Variants in CACNA2D4 observed in about 807,000 individuals in gnomAD.
CACNA2D4 encodes voltage-dependent calcium channel subunit alpha-2/delta-4.
Under a neutral mutation model 163.8 loss-of-function variants are expected in CACNA2D4, and 157 were observed. That is an observed-to-expected ratio of 0.96 (90% CI 0.84 to 1.09). The LOEUF (loss-of-function observed/expected upper bound fraction) is 1.09, where lower values mean the gene tolerates loss of function less well. Ranked by LOEUF, CACNA2D4 falls within the 50% of genes least tolerant of loss-of-function variation. The probability of loss-of-function intolerance (pLI) is 0.00; values close to 1 mark genes in which losing one functional copy is unlikely to be tolerated. For synonymous variants in CACNA2D4, 598 were observed against 586.9 expected (o/e 1.02, Z -0.27); for missense variants, 1,410 against 1,479.9 (o/e 0.95, Z 0.78).
At chr12:1,864,984 G>A (rs1481431411) in intron 18 of CACNA2D4, among the ~76,000 whole-genome samples, 2 of 152,118 alleles carry the variant, frequency 1.3e-5, no homozygotes, top group African/African-American at 4.8e-5. Context: ...CCGCTCCCGG[G>A]TCTCCAGGTG....
Position 1,878,398 on chromosome 12 carries a change from G to A in CACNA2D4, c.1645-9C>T, listed in dbSNP as rs760341817. ...TATCCGTGCACTCCAAGCTGCCAGAGTCCAGGGTGGAGGCGCATTAGGCCT... is the reference window on the plus strand; with the variant it reads ...TATCCGTGCACTCCAAGCTGCCAGAATCCAGGGTGGAGGCGCATTAGGCCT... On this transcript the variant is annotated splice_polypyrimidine_tract_variant and intron_variant, in intron 15 of 37. Transcript: ENST00000382722. This position sits in a 1 kb window ranked among gnomAD's most constrained non-coding sequence, Gnocchi z 4.6. The A allele has an allele frequency of 1.3e-6, 2 of 1,594,784 alleles. No homozygotes were observed. The highest frequency in any genetic ancestry group is 3.5e-5 in the Admixed American group (2 of 57,102).
In CACNA2D4 at chr12:1,798,779, T is replaced by C. The variant is rs1334508226; in HGVS notation, c.2995+896A>G. On this transcript the variant is annotated intron_variant, in intron 34 of 37. Coordinates refer to ENST00000382722, the MANE Select transcript of CACNA2D4 (RefSeq NM_172364.5). This position sits in a 1 kb window ranked among gnomAD's most constrained non-coding sequence, Gnocchi z 4.3. ...GGGATCATCTTCAACTTTTGCAAGA[T>C]GCAGCTGCTGACAGAGACAGAGGGG... Among the ~76,000 whole-genome samples the C allele has an allele frequency of 6.6e-6, 1 of 152,112 alleles. No homozygotes were observed. The highest frequency in any genetic ancestry group is 1.5e-5 in the Non-Finnish European group (1 of 68,000).
At chr12:1,819,356 G>C (rs1206889567) in intron 26 of CACNA2D4, among the ~76,000 whole-genome samples, 1 of 152,196 alleles carries the variant, frequency 6.6e-6, no homozygotes, top group Non-Finnish European at 1.5e-5. Flanking sequence ...CTCAAGCCTT[G>C]TGCTGCCCGG....
In CACNA2D4 at chr12:1,918,618, C is replaced by A. The variant is rs1867060355; in HGVS notation, c.-145G>T. On this transcript the variant is annotated 5_prime_UTR_variant, in exon 1 of 38. Coordinates refer to ENST00000382722, the MANE Select transcript of CACNA2D4 (RefSeq NM_172364.5). ...ACAGCTGCAGCTCACAGAAGAGTCG[C>A]CCCACCTAGCAAGCAGGCCTCGGAG... is the stretch of plus-strand genomic sequence containing the variant. 6 of 617,190 alleles carry A rather than the reference C, an allele frequency of 9.7e-6. No homozygotes were observed. The South Asian group carries it at 1.2e-4, about 13-fold the overall frequency. The allele number at this position is 617,190 out of a possible 1,614,324, so 38.2% of individuals were successfully genotyped here. A position where few individuals can be genotyped will look rare whatever the true frequency, so the allele number is the denominator to read the frequency against.
chr12:1,883,103 A>G lies in CACNA2D4; in HGVS notation c.1352-103T>C. On this transcript the variant is annotated intron_variant, in intron 12 of 37. Coordinates refer to ENST00000382722, the MANE Select transcript of CACNA2D4 (RefSeq NM_172364.5). The surrounding 1 kb of genome is among the most constrained non-coding windows in gnomAD (Gnocchi z 4.5). Reference sequence around the variant, plus strand: ...AGCTGCAGATGGCTCATAGCCGAATACTCTCTGGAAACTGGACCGGGGCAC... The same window carrying G: ...AGCTGCAGATGGCTCATAGCCGAATGCTCTCTGGAAACTGGACCGGGGCAC... 7.7e-7 allele frequency: 1 copy of G among 1,297,066 alleles called. No individual in the cohort carries two copies. The highest frequency in any genetic ancestry group is 1.1e-6 in the Non-Finnish European group (1 of 947,452). The allele number at this position is 1,297,066 out of a possible 1,614,324, so 80.3% of individuals were successfully genotyped here.
intron 29 of CACNA2D4, among the ~76,000 whole-genome samples, chr12:1,807,083 G>C (rs1248904511): frequency 6.6e-6 from 1 of 151,808 alleles, no homozygotes; most frequent in Admixed American, 6.6e-5. Flanking sequence ...CTTGTTTCTA[G>C]CAAGCAGAAT....
intron 18 of CACNA2D4, among the ~76,000 whole-genome samples, chr12:1,872,561 G>C (rs970919856): frequency 6.6e-6 from 1 of 152,230 alleles, no homozygotes; most frequent in African/African-American, 2.4e-5. Context: ...GAGAGGGAGG[G>C]CTGGGATAGA....
At chr12:1,888,116 C>CT (rs1866195150) in intron 6 of CACNA2D4, among the ~76,000 whole-genome samples, 3 of 152,158 alleles carry the variant, frequency 2.0e-5, no homozygotes, top group African/African-American at 7.2e-5. Flanking sequence ...TTGAGTACCA[C>CT]TGGTCTGACC....
chr12:1,853,811 G>A (rs1865340481), intron 23 of CACNA2D4, 140 bp downstream of exon 23: 2 of 634,666 alleles, frequency 3.2e-6, no homozygotes, highest in South Asian at 3.8e-5. Context: ...CCAGTGCCCA[G>A]GGGGACCTCC....
In CACNA2D4 at chr12:1,810,319, C is replaced by G. The variant is rs777701038; in HGVS notation, c.2680G>C (p.Asp894His). 1 of 1,613,888 alleles carries G rather than the reference C, an allele frequency of 6.2e-7. No individual in the cohort carries two copies. Among genetic ancestry groups the G allele is most frequent in the Non-Finnish European group, 8.5e-7 (1 of 1,179,822 alleles). ...GAGATCAGAATGAACCCGTTGTTGT[C>G]GATGACGAAGCAGTCCAGATCCTGG... ...EDSDLDCFVIDNNGFILISKR... is the reference protein window; with the variant it reads ...EDSDLDCFVIHNNGFILISKR... The change falls in exon 29 of 38, where the codon GAC (aspartate) becomes CAC (histidine). Residue 894 changes from aspartate to histidine, a missense_variant. Coordinates refer to ENST00000382722, the MANE Select transcript of CACNA2D4 (RefSeq NM_172364.5).
chr12:1,827,940 C>G (rs1592685166), intron 26 of CACNA2D4: 3 of 417,112 alleles, frequency 7.2e-6, no homozygotes, highest in Non-Finnish European at 1.3e-5. Context: ...CTTCTTCCCC[C>G]ACCCAGGGAA....
At position 1,884,399 on chromosome 12, in the gene CACNA2D4, T is replaced by C. The variant is rs1011975904; in HGVS notation, c.1273-78A>G. 1.3e-5 allele frequency: 15 copies of C among 1,193,482 alleles called. No homozygotes were observed. In the African/African-American group the frequency reaches 2.3e-4, roughly 18 times the overall value. The allele number at this position is 1,193,482 out of a possible 1,614,324, so 73.9% of individuals were successfully genotyped here. ...ATGTTAACATTGTTTATATGAGTCT[T>C]AGATGTTGGCCCCAGTGCCTCTCAG... is the stretch of plus-strand genomic sequence containing the variant. On this transcript the variant is annotated intron_variant, in intron 11 of 37. Coordinates refer to ENST00000382722, the MANE Select transcript of CACNA2D4 (RefSeq NM_172364.5).
chr12:1,867,579 T>C (rs1349791422), intron 18 of CACNA2D4, among the ~76,000 whole-genome samples: 2 of 152,180 alleles, frequency 1.3e-5, no homozygotes, highest in Non-Finnish European at 1.5e-5. Flanking sequence ...AAATAAAAAG[T>C]GACTAATACC....
At chr12:1,818,801 AAG>A (rs1863977845) in intron 26 of CACNA2D4, among the ~76,000 whole-genome samples, 1 of 147,680 alleles carries the variant, frequency 6.8e-6, no homozygotes, top group Non-Finnish European at 1.5e-5. Context: ...AAAAAAAAAA[AAG>A]AGTCATCACC....
intron 26 of CACNA2D4, among the ~76,000 whole-genome samples, chr12:1,811,974 A>T (rs1863727823): frequency 6.6e-6 from 1 of 152,152 alleles, no homozygotes; most frequent in South Asian, 2.1e-4. Context: ...AGCAGTGATG[A>T]GGCTCCCATT....
intron 6 of CACNA2D4, among the ~76,000 whole-genome samples, chr12:1,896,851 A>T (rs1168900700): frequency 6.6e-6 from 1 of 152,234 alleles, no homozygotes; most frequent in Non-Finnish European, 1.5e-5. Flanking sequence ...CTGCACTGGC[A>T]TCTTTATCAC....
chr12:1,878,831 G>A lies in CACNA2D4; in HGVS notation c.1644+125C>T. 1 of 755,198 alleles carries A rather than the reference G, an allele frequency of 1.3e-6. No individual in the cohort carries two copies. The highest frequency in any genetic ancestry group is 1.8e-5 in the South Asian group (1 of 55,426). The allele number at this position is 755,198 out of a possible 1,614,324, so 46.8% of individuals were successfully genotyped here. A position where few individuals can be genotyped will look rare whatever the true frequency, so the allele number is the denominator to read the frequency against. ...CCTGCTCAGCACCTGCACTTCTTGG[G>A]CAGTGATGGAGGGGCCCCACCCCAG... On this transcript the variant is annotated intron_variant, in intron 15 of 37. Transcript: ENST00000382722. This position sits in a 1 kb window ranked among gnomAD's most constrained non-coding sequence, Gnocchi z 4.6.
chr12:1,862,421 A>G (rs1865544798), intron 18 of CACNA2D4, among the ~76,000 whole-genome samples: 1 of 152,114 alleles, frequency 6.6e-6, no homozygotes, highest in Admixed American at 6.5e-5. Flanking sequence ...AGAATCTTGC[A>G]GTTTTTTGGT....
chr12:1,860,308 T>A (rs2154448560), intron 18 of CACNA2D4, 102 bp from the exon 19 acceptor site: 2 of 795,898 alleles, frequency 2.5e-6, no homozygotes, highest in African/African-American at 1.7e-5. Flanking sequence ...CACTGTACAG[T>A]CCCTCCGCCT....
Sources: gnomAD v4.1 joint callset for allele counts (sites outside exome capture counted in the v4.1 genomes callset) on GRCh38, gnomAD v4.1.1 for gene constraint, Gnocchi (gnomAD v3.1) non-coding constraint, MANE v1.5 for transcripts, NCBI Gene and HGNC (gene_info 2026-07-23, HGNC 2026-07-21) for gene names.